The following HIVEP2 variants were observed in gnomAD, a reference collection of about 807,000 sequenced individuals.
HIVEP2 encodes the protein HIVEP zinc finger 2.
HIVEP2 carries 14 observed loss-of-function variants against 180.7 expected under a neutral mutation model. The ratio of observed to expected loss-of-function variants is 0.08; its 90% CI spans 0.05 to 0.12. HIVEP2 has a LOEUF of 0.12. HIVEP2 is among the 10% of genes least tolerant of loss of function. The pLI, the probability that HIVEP2 is intolerant of heterozygous loss-of-function variation, is 1.00. For synonymous variants in HIVEP2, 1,184 were observed against 1,136.4 expected (o/e 1.04, Z -0.84); for missense variants, 2,579 against 3,008.5 (o/e 0.86, Z 3.34).
chr6:142,839,355 G>A (rs1775306376), intron 1 of HIVEP2, among the ~76,000 whole-genome samples: 1 of 151,994 alleles, frequency 6.6e-6, no homozygotes, highest in African/African-American at 2.4e-5. Context: ...TAATTTGTTT[G>A]TATTGCCTGC....
chr6:142,795,306 C>T lies in HIVEP2; in HGVS notation c.-527-11691G>A, dbSNP rs144864619. 1.5e-3 allele frequency among the ~76,000 whole-genome samples: 235 copies of T among 152,202 alleles called. 1 individual carries two copies. In the Middle Eastern group the frequency reaches 0.041, roughly 26 times the overall value. ...CTCATTTATTGATGTTATTTGGAAT[C>T]TCACTTTCATTCTTTCTCACATATC... On this transcript the variant is annotated intron_variant, in intron 2 of 9. Transcript: ENST00000367603.
At chr6:142,923,147 AGATGGT>A (rs1777722901) in intron 1 of HIVEP2, among the ~76,000 whole-genome samples, 1 of 152,168 alleles carries the variant, frequency 6.6e-6, no homozygotes. Context: ...AGCCTGGCCA[AGATGGT>A]GAAACTCTGT....
chr6:142,842,963 A>G (rs1019222113), intron 1 of HIVEP2, among the ~76,000 whole-genome samples: 2 of 152,218 alleles, frequency 1.3e-5, no homozygotes, highest in Non-Finnish European at 1.5e-5. Flanking sequence ...TCGTAGTTAC[A>G]GTAAGAGCAA....
intron 2 of HIVEP2, among the ~76,000 whole-genome samples, chr6:142,796,497 G>A (rs1776282022): frequency 2.6e-5 from 4 of 152,076 alleles, no homozygotes; most frequent in Non-Finnish European, 5.9e-5. Context: ...TCATAAGGAA[G>A]TGAAAATAAA....
At chr6:142,786,793 A>C (rs1730936356) in intron 2 of HIVEP2, among the ~76,000 whole-genome samples, 1 of 152,206 alleles carries the variant, frequency 6.6e-6, no homozygotes, top group African/African-American at 2.4e-5. Context: ...GTTACAGTTA[A>C]TGCTTTAATA....
intron 1 of HIVEP2, among the ~76,000 whole-genome samples, chr6:142,858,167 T>C (rs1490963481): frequency 6.6e-6 from 1 of 152,176 alleles, no homozygotes; most frequent in Admixed American, 6.5e-5. Context: ...CTTATTTCTG[T>C]TTATACTATG....
At chr6:142,809,581 C>CTGTT (rs3057566) in intron 2 of HIVEP2, among the ~76,000 whole-genome samples, 15,185 of 150,386 alleles carry the variant, frequency 0.1, 842 homozygotes, top group African/African-American at 0.14. Context: ...TCTGGGTTTT[C>CTGTT]TGTTTGTTTG....
intron 1 of HIVEP2, among the ~76,000 whole-genome samples, chr6:142,878,409 G>A (rs897996025): frequency 1.3e-5 from 2 of 152,156 alleles, no homozygotes; most frequent in Non-Finnish European, 2.9e-5. Context: ...TAACAACTGA[G>A]AATACATTTT....
At chr6:142,832,333 A>G (rs771668144) in intron 2 of HIVEP2, among the ~76,000 whole-genome samples, 1 of 152,204 alleles carries the variant, frequency 6.6e-6, no homozygotes, top group African/African-American at 2.4e-5. Context: ...AGAAGACACA[A>G]GCAATTTACA....
chr6:142,756,958 G>T (rs1175083048), intron 9 of HIVEP2, among the ~76,000 whole-genome samples: 2 of 152,114 alleles, frequency 1.3e-5, no homozygotes, highest in East Asian at 1.9e-4. Context: ...GATGAGTGGG[G>T]TAATAGAACT....
intron 1 of HIVEP2, among the ~76,000 whole-genome samples, chr6:142,849,734 G>C (rs1037983421): frequency 6.6e-6 from 1 of 152,032 alleles, no homozygotes; most frequent in Admixed American, 6.5e-5. Flanking sequence ...GCCCAGGCTG[G>C]TCTCAAACTC....
intron 1 of HIVEP2, among the ~76,000 whole-genome samples, chr6:142,920,627 T>A (rs1777662052): frequency 6.6e-6 from 1 of 152,110 alleles, no homozygotes; most frequent in African/African-American, 2.4e-5. Flanking sequence ...AGGGATGAGG[T>A]ACCTACCACC....
Position 142,752,569 on chromosome 6 carries a change from AAAAGC to A in HIVEP2, c.*533_*537del, listed in dbSNP as rs1774947934. On this transcript the variant is annotated 3_prime_UTR_variant, in exon 10 of 10. Coordinates refer to ENST00000367603, the MANE Select transcript of HIVEP2 (RefSeq NM_006734.4). ...ACAGTAAATCCCATGCTTCACATAG[AAAAGC>A]AATCCACAACATTAAGAAAAAATGT... 3 of 153,714 alleles carry A rather than the reference AAAAGC, an allele frequency of 2.0e-5. No homozygotes were observed. In the South Asian group the frequency reaches 6.1e-4, roughly 31 times the overall value. 9.5% of individuals were successfully genotyped at this position (153,714 alleles called of 1,614,324 possible). A position where few individuals can be genotyped will look rare whatever the true frequency, so the allele number is the denominator to read the frequency against.
intron 1 of HIVEP2, among the ~76,000 whole-genome samples, chr6:142,858,226 AG>A (rs1775877995): frequency 6.6e-6 from 1 of 152,026 alleles, no homozygotes; most frequent in Admixed American, 6.6e-5. Context: ...TTTCAAGAGG[AG>A]TTTGAAGTAT....
At chr6:142,826,391 C>T (rs1774901972) in intron 2 of HIVEP2, among the ~76,000 whole-genome samples, 2 of 152,244 alleles carry the variant, frequency 1.3e-5, no homozygotes, top group East Asian at 1.9e-4. Flanking sequence ...CTCACAATTC[C>T]GACCATGATC....
At chr6:142,831,695 T>C (rs1330350372) in intron 2 of HIVEP2, among the ~76,000 whole-genome samples, 1 of 152,184 alleles carries the variant, frequency 6.6e-6, no homozygotes. Flanking sequence ...TAGGGGTTTT[T>C]AGGTTTGTTC....
intron 2 of HIVEP2, among the ~76,000 whole-genome samples, chr6:142,810,194 G>T (rs1248257941): frequency 2.0e-5 from 3 of 152,168 alleles, no homozygotes; most frequent in African/African-American, 7.2e-5. Context: ...GCCATTGGTT[G>T]TTGCTCAATA....
intron 1 of HIVEP2, among the ~76,000 whole-genome samples, chr6:142,929,658 C>G (rs1448797737): frequency 2.6e-5 from 4 of 152,110 alleles, no homozygotes; most frequent in Non-Finnish European, 5.9e-5. Flanking sequence ...CAATTCCAAC[C>G]TAAGAAGATA....
chr6:142,772,957 C>A lies in HIVEP2; in HGVS notation c.1782G>T (p.Ala594=), dbSNP rs151160604. 1 of 1,614,164 alleles carries A rather than the reference C, an allele frequency of 6.2e-7. No homozygotes were observed. Among genetic ancestry groups the A allele is most frequent in the South Asian group, 1.1e-5 (1 of 91,078 alleles). ...IPPQRMLRRQ[A]AFELPSVQEG... The stretch of plus-strand genomic sequence containing the variant: ...CCTGTACCGAAGGCAGCTCAAATGC[C>A]GCTTGTCTTCTTAGCATGCGCTGAG... The change falls in exon 5 of 10, where the codon GCG becomes GCT. Residue 594 remains alanine (A), a synonymous_variant. Transcript: ENST00000367603. The surrounding 1 kb of genome is among the most constrained non-coding windows in gnomAD (Gnocchi z 4.9).
Sources: allele counts gnomAD v4.1 joint callset (sites outside exome capture counted in the v4.1 genomes callset), GRCh38; gene constraint gnomAD v4.1.1; non-coding constraint Gnocchi (gnomAD v3.1); transcripts MANE v1.5; gene names NCBI Gene and HGNC (gene_info 2026-07-23, HGNC 2026-07-21).